Variants in TRA2A observed in about 807,000 individuals in gnomAD.
TRA2A encodes the protein transformer 2 alpha homolog.
A neutral mutation model predicts 45.7 loss-of-function variants in TRA2A; 31 were observed. The observed-to-expected ratio is 0.68, with a 90% CI of 0.51 to 0.92. The LOEUF (loss-of-function observed/expected upper bound fraction) is 0.92. Ranked by LOEUF, TRA2A falls within the 40% of genes least tolerant of loss-of-function variation. The pLI, the probability that TRA2A is intolerant of heterozygous loss-of-function variation, is 0.00. For missense variants in TRA2A, 304 were observed against 367.5 expected (o/e 0.83, Z 1.41); for synonymous variants, 132 against 126.2 (o/e 1.05, Z -0.31).
chr7:23,506,538 G>C (rs1024818482), intron 5 of TRA2A: 8 of 396,166 alleles, frequency 2.0e-5, no homozygotes, highest in Non-Finnish European at 2.7e-5. Flanking sequence ...TCAACAAATT[G>C]AAACGATGAA....
rs748073486 is a variant in TRA2A, at chr7:23,505,524, GA to G, written c.*34del. On this transcript the variant is annotated 3_prime_UTR_variant, in exon 8 of 8. Transcript: ENST00000297071. ...TTAAAAAAAAAAAAAAAAAAAAGAGGAAAAAAAATGTCCTTAATTGCAACCA... is the reference window on the plus strand; with the variant it reads ...TTAAAAAAAAAAAAAAAAAAAAGAGGAAAAAAATGTCCTTAATTGCAACCA... 53 of 348,132 alleles carry G rather than the reference GA, an allele frequency of 1.5e-4. No individual in the cohort carries two copies. Among genetic ancestry groups the G allele is most frequent in the Middle Eastern group, 7.0e-4 (1 of 1,438 alleles). The allele number at this position is 348,132 out of a possible 1,614,324, so 21.6% of individuals were successfully genotyped here.
rs201074392 is a variant in TRA2A at position 23,506,245 on chromosome 7, T to G, written c.663A>C (p.Gly221=). 4.1e-5 allele frequency: 61 copies of G among 1,476,160 alleles called. No individual in the cohort carries two copies. The highest frequency in any genetic ancestry group is 5.2e-5 in the Non-Finnish European group (56 of 1,069,244). The allele number at this position is 1,476,160 out of a possible 1,614,324, so 91.4% of individuals were successfully genotyped here. ...CACCTCCACCTCCACCGCCGCCGCC[T>G]CCTCCACCACCCCCACCACTACTGC... ...RPTHSGGGGG[G]GGGGGGGGGG... is the part of the protein sequence containing the mutation. Residue 221 remains glycine (G), a synonymous_variant, in exon 6 of 8, where the codon GGA becomes GGC. Coordinates refer to ENST00000297071, the MANE Select transcript of TRA2A (RefSeq NM_013293.5).
At position 23,514,216 on chromosome 7, in the gene TRA2A, C is replaced by T. The variant is rs188527605; in HGVS notation, c.337-1134G>A. Among the ~76,000 whole-genome samples the T allele has an allele frequency of 2.4e-3, 360 of 151,720 alleles. 1 individual carries two copies. Among genetic ancestry groups the T allele is most frequent in the African/African-American group, 8.2e-3 (339 of 41,380 alleles). On this transcript the variant is annotated intron_variant, in intron 3 of 7. Coordinates refer to ENST00000297071, the MANE Select transcript of TRA2A (RefSeq NM_013293.5). ...CCAAGTAGACGGGATTACAGGCATG[C>T]ACCACCACCCCCAGCTAATTTTGTA...
chr7:23,513,583 A>C (rs1307294491), intron 3 of TRA2A, among the ~76,000 whole-genome samples: 4 of 150,906 alleles, frequency 2.7e-5, no homozygotes, highest in Admixed American at 1.3e-4. Context: ...GAGCCATTGC[A>C]CTCCAGCCTA....
At chr7:23,525,935 CTGTTGG>C (rs1258729298) in intron 1 of TRA2A, among the ~76,000 whole-genome samples, 3 of 152,140 alleles carry the variant, frequency 2.0e-5, no homozygotes, top group Admixed American at 6.5e-5. Flanking sequence ...GATGACCCTG[CTGTTGG>C]TTGAAGGAAA....
intron 2 of TRA2A, 148 bp downstream of exon 2, chr7:23,521,559 G>GAA: frequency 1.1e-6 from 1 of 892,204 alleles, no homozygotes; most frequent in Non-Finnish European, 1.7e-6. Context: ...TCTTTGTCTG[G>GAA]GATATAGTAT....
At chr7:23,508,125 A>G (rs922081851) in intron 4 of TRA2A, among the ~76,000 whole-genome samples, 1 of 152,190 alleles carries the variant, frequency 6.6e-6, no homozygotes, top group African/African-American at 2.4e-5. Flanking sequence ...AAGAAATGAT[A>G]TAAACAGACA....
chr7:23,519,087 C>T lies in TRA2A; in HGVS notation c.171-2559G>A, dbSNP rs145208390. ...AATTCCCAGTTGCTTGCAGTCCTTT[C>T]TTTGCCTGTAAGACTAATCCGACAG... is the stretch of plus-strand genomic sequence containing the variant. On this transcript the variant is annotated intron_variant, in intron 2 of 7. Transcript: ENST00000297071. Among the ~76,000 whole-genome samples, 54 of 152,300 alleles carry T rather than the reference C, an allele frequency of 3.5e-4. No homozygotes were observed. The East Asian group carries it at 9.7e-3, about 27-fold the overall frequency.
chr7:23,527,120 T>G (rs1278330998), intron 1 of TRA2A, among the ~76,000 whole-genome samples: 1 of 152,184 alleles, frequency 6.6e-6, no homozygotes, highest in Non-Finnish European at 1.5e-5. Flanking sequence ...TTTAACATTA[T>G]GTTCTAATCT....
At position 23,505,020 on chromosome 7, in the gene TRA2A, A is replaced by G. The variant is rs1448299587; in HGVS notation, c.*539T>C. The G allele has an allele frequency of 6.6e-6, 1 of 152,546 alleles. No individual in the cohort carries two copies. Among genetic ancestry groups the G allele is most frequent in the Non-Finnish European group, 1.5e-5 (1 of 68,090 alleles). 9.4% of individuals were successfully genotyped at this position (152,546 alleles called of 1,614,324 possible). A position where few individuals can be genotyped will look rare whatever the true frequency, so the allele number is the denominator to read the frequency against. ...TTAGTTTTTAAGTTTTAACAGATGTATTTCAAATACAGCATGTTTTACAGG... is the reference window on the plus strand; with the variant it reads ...TTAGTTTTTAAGTTTTAACAGATGTGTTTCAAATACAGCATGTTTTACAGG... On this transcript the variant is annotated 3_prime_UTR_variant, in exon 8 of 8. Transcript: ENST00000297071.
At chr7:23,508,635 C>G (rs1789450015) in intron 4 of TRA2A, among the ~76,000 whole-genome samples, 1 of 152,224 alleles carries the variant, frequency 6.6e-6, no homozygotes, top group Non-Finnish European at 1.5e-5. Flanking sequence ...GCTGGGACTA[C>G]AGGCATGCGC....
intron 6 of TRA2A, 110 bp downstream of exon 6, chr7:23,506,028 T>G (rs1789318919): frequency 1.0e-6 from 1 of 994,456 alleles, no homozygotes; most frequent in African/African-American, 1.6e-5. Flanking sequence ...AGGCGTCATA[T>G]ATGATCTATT....
At chr7:23,522,473 G>A (rs1007419321) in intron 1 of TRA2A, 3 of 1,018,546 alleles carry the variant, frequency 2.9e-6, no homozygotes, top group Middle Eastern at 2.7e-4. Flanking sequence ...AAGCACGTGG[G>A]GATTATAAAA....
chr7:23,510,434 A>G (rs997407311), intron 4 of TRA2A, among the ~76,000 whole-genome samples: 2 of 152,138 alleles, frequency 1.3e-5, no homozygotes, highest in Non-Finnish European at 2.9e-5. Flanking sequence ...GGTTCAAGCA[A>G]TTCTCCTGCC....
Position 23,506,079 on chromosome 7 carries a change from G to A in TRA2A, c.770+59C>T, listed in dbSNP as rs1789320760. The stretch of plus-strand genomic sequence containing the variant: ...TTATTCATATGTATCCAACATAAAA[G>A]TGCCAAGTAACACTACTATCATCTA... On this transcript the variant is annotated intron_variant, in intron 6 of 7. Coordinates refer to ENST00000297071, the MANE Select transcript of TRA2A (RefSeq NM_013293.5). 2.8e-6 allele frequency: 4 copies of A among 1,424,450 alleles called. No individual in the cohort carries two copies. The Admixed American group carries it at 6.1e-5, about 22-fold the overall frequency. 88.2% of individuals were successfully genotyped at this position (1,424,450 alleles called of 1,614,324 possible).
intron 2 of TRA2A, among the ~76,000 whole-genome samples, chr7:23,517,757 CAAAA>C (rs1789952046): frequency 6.7e-6 from 1 of 149,624 alleles, no homozygotes; most frequent in African/African-American, 2.4e-5. Flanking sequence ...ACTAAAAATA[CAAAA>C]ATTAGCTGGG....
At chr7:23,524,926 T>C (rs372471261) in intron 1 of TRA2A, among the ~76,000 whole-genome samples, 1 of 150,714 alleles carries the variant, frequency 6.6e-6, no homozygotes, top group African/African-American at 2.4e-5. Context: ...TCCTGACTCC[T>C]TGATCTGCCC....
intron 2 of TRA2A, among the ~76,000 whole-genome samples, chr7:23,517,693 T>A (rs944887723): frequency 6.7e-6 from 1 of 150,088 alleles, no homozygotes; most frequent in East Asian, 2.0e-4. Context: ...GCAGGCAGAT[T>A]ACGAGGTCAA....
chr7:23,511,111 C>T (rs1000693804), intron 4 of TRA2A, among the ~76,000 whole-genome samples: 33 of 151,970 alleles, frequency 2.2e-4, no homozygotes, highest in Non-Finnish European at 1.6e-4. Context: ...GTGGCTCACA[C>T]CTGTAATTCC....
Sources: allele counts gnomAD v4.1 joint callset (sites outside exome capture counted in the v4.1 genomes callset), GRCh38; gene constraint gnomAD v4.1.1; transcripts MANE v1.5; gene names NCBI Gene and HGNC (gene_info 2026-07-23, HGNC 2026-07-21).